Variants in DESI2 observed in about 807,000 individuals in gnomAD.
The protein encoded by DESI2 is desumoylating isopeptidase 2.
Under a neutral mutation model 24.1 loss-of-function variants are expected in DESI2, and 10 were observed. The observed-to-expected ratio is 0.41, with a 90% CI of 0.26 to 0.70. DESI2 has a LOEUF of 0.70. Among genes scored for constraint, DESI2 ranks in the 30% least tolerant of loss-of-function variants. The pLI is 0.29. For missense variants in DESI2, 122 were observed against 234.9 expected (o/e 0.52, Z 3.14); for synonymous variants, 71 against 87.7 (o/e 0.81, Z 1.06).
At chr1:244,665,519 C>A (rs544562969) in intron 1 of DESI2, among the ~76,000 whole-genome samples, 16 of 152,194 alleles carry the variant, frequency 1.1e-4, no homozygotes, top group Non-Finnish European at 2.1e-4. Flanking sequence ...TTTTCTGTGA[C>A]TATTTCTGTC....
chr1:244,669,923 T>C (rs2148790681), intron 1 of DESI2, among the ~76,000 whole-genome samples: 1 of 152,250 alleles, frequency 6.6e-6, no homozygotes, highest in South Asian at 2.1e-4. Flanking sequence ...TGAAGAAGCC[T>C]TTCACTGAGA....
chr1:244,666,437 AT>A (rs1676049982), intron 1 of DESI2, among the ~76,000 whole-genome samples: 1 of 152,210 alleles, frequency 6.6e-6, no homozygotes, highest in Non-Finnish European at 1.5e-5. Context: ...CAGTGAATGA[AT>A]ATGCTATATT....
Position 244,705,733 on chromosome 1 carries a change from G to C in DESI2, c.529G>C (p.Ala177Pro), listed in dbSNP as rs771309407. ...LEEAEDAAAS[A>P]SVASTAAGSR... ...GGAAGCAGAGGATGCTGCCGCATCC[G>C]CTTCCGTGGCAAGCACTGCAGCAGG... Residue 177 changes from alanine to proline, a missense_variant, in exon 5 of 5, where the codon GCT becomes CCT. Around this residue, in one of 6 missense-constraint regions of DESI2, gnomAD observed 56 missense variants for 67.9 expected, o/e 0.82. Transcript: ENST00000302550. 6.2e-7 allele frequency: 1 copy of C among 1,613,584 alleles called. No homozygotes were observed. Among genetic ancestry groups the C allele is most frequent in the South Asian group, 1.1e-5 (1 of 91,080 alleles).
intron 4 of DESI2, among the ~76,000 whole-genome samples, chr1:244,700,653 T>C (rs1375512009): frequency 6.6e-6 from 1 of 152,230 alleles, no homozygotes; most frequent in Non-Finnish European, 1.5e-5. Context: ...AGGACTTTTT[T>C]ACAGGTTCAT....
intron 1 of DESI2, among the ~76,000 whole-genome samples, chr1:244,675,479 C>T (rs562387916): frequency 3.0e-4 from 46 of 152,266 alleles, no homozygotes; most frequent in African/African-American, 1.0e-3. Context: ...AGAAGACCAG[C>T]TTCATTCATT....
At chr1:244,694,511 G>T in intron 4 of DESI2, 1 of 773,376 alleles carries the variant, frequency 1.3e-6, no homozygotes. Flanking sequence ...TGAATCTGCG[G>T]TCTACAATTT....
intron 1 of DESI2, chr1:244,653,831 A>T (rs1473509926): frequency 9.5e-6 from 4 of 422,328 alleles, no homozygotes; most frequent in Non-Finnish European, 1.9e-5. Context: ...TAAGTCCAGA[A>T]GGTCACAGCT....
chr1:244,702,695 A>G (rs1677517574), intron 4 of DESI2, among the ~76,000 whole-genome samples: 1 of 152,206 alleles, frequency 6.6e-6, no homozygotes, highest in Non-Finnish European at 1.5e-5. Flanking sequence ...GTGTTTCAGT[A>G]AAACTATCTA....
intron 4 of DESI2, among the ~76,000 whole-genome samples, chr1:244,700,726 C>T (rs1307975590): frequency 6.6e-6 from 1 of 152,134 alleles, no homozygotes; most frequent in Non-Finnish European, 1.5e-5. Flanking sequence ...AATGAGATAG[C>T]TACATTTTAT....
intron 1 of DESI2, among the ~76,000 whole-genome samples, chr1:244,671,498 A>G (rs1045655293): frequency 6.6e-5 from 10 of 152,220 alleles, no homozygotes. Context: ...CTGTACTCTT[A>G]TACTTGAACC....
At chr1:244,677,115 G>C (rs2806601) in intron 1 of DESI2, among the ~76,000 whole-genome samples, 31,484 of 151,704 alleles carry the variant, frequency 0.21, 3,462 homozygotes, top group East Asian at 0.4. Flanking sequence ...TCTGTATTTT[G>C]GAAGAGCTTC....
Position 244,691,940 on chromosome 1 carries a change from G to C in DESI2, c.271G>C (p.Glu91Gln). ...LEDDIEKIVE[E>Q]LGKEYKGNAY... ...AGATGATATAGAAAAAATTGTAGAA[G>C]AACTGGGAAAAGAATACAAAGGCAA... The change falls in exon 4 of 5, where the codon GAA (glutamate) becomes CAA (glutamine). Residue 91 changes from glutamate (E) to glutamine (Q), a missense_variant. Glu to Gln is a conservative substitution (Grantham distance 29). Around this residue, in one of 6 missense-constraint regions of DESI2, gnomAD observed 23 missense variants for 28.5 expected, o/e 0.81. Transcript: ENST00000302550. The C allele has an allele frequency of 6.2e-7, 1 of 1,603,348 alleles. No homozygotes were observed. Among genetic ancestry groups the C allele is most frequent in the South Asian group, 1.1e-5 (1 of 88,396 alleles).
chr1:244,671,379 T>C (rs80321971), intron 1 of DESI2, among the ~76,000 whole-genome samples: 2,002 of 152,306 alleles, frequency 0.013, 47 homozygotes, highest in African/African-American at 0.046. Context: ...TGCTAACCTT[T>C]TTCTGCAAGG....
At chr1:244,660,643 A>C (rs1401589972) in intron 1 of DESI2, among the ~76,000 whole-genome samples, 3 of 152,242 alleles carry the variant, frequency 2.0e-5, no homozygotes, top group African/African-American at 7.2e-5. Flanking sequence ...CAAAAATAAT[A>C]ATAAAAGGAC....
chr1:244,674,117 C>T (rs1470178402), intron 1 of DESI2, among the ~76,000 whole-genome samples: 1 of 151,362 alleles, frequency 6.6e-6, no homozygotes, highest in Non-Finnish European at 1.5e-5. Context: ...GCCTCAGCCT[C>T]CCAAGTAGCT....
intron 4 of DESI2, among the ~76,000 whole-genome samples, chr1:244,702,724 G>C (rs535751338): frequency 6.6e-6 from 1 of 152,308 alleles, no homozygotes; most frequent in Admixed American, 6.5e-5. Flanking sequence ...AGTGGCTATA[G>C]ATAGGACTCT....
intron 4 of DESI2, among the ~76,000 whole-genome samples, chr1:244,696,221 A>G (rs1030894082): frequency 3.9e-5 from 6 of 152,258 alleles, no homozygotes; most frequent in Non-Finnish European, 7.3e-5. Context: ...ATCCAAATAA[A>G]CAACGTTCAG....
intron 4 of DESI2, among the ~76,000 whole-genome samples, chr1:244,695,388 T>C (rs1028995400): frequency 1.1e-4 from 17 of 152,242 alleles, no homozygotes; most frequent in South Asian, 6.2e-4. Context: ...GCATGGTGGC[T>C]CACACCTGTA....
At chr1:244,659,039 T>C (rs1033350453) in intron 1 of DESI2, among the ~76,000 whole-genome samples, 17 of 152,138 alleles carry the variant, frequency 1.1e-4, no homozygotes, top group African/African-American at 3.9e-4. Context: ...CATCTTTTTT[T>C]TTTTTTTTAA....
Sources: allele counts gnomAD v4.1 joint callset (sites outside exome capture counted in the v4.1 genomes callset), GRCh38; gene constraint gnomAD v4.1.1; regional missense constraint gnomAD v4.1.1; transcripts MANE v1.5; gene names NCBI Gene and HGNC (gene_info 2026-07-23, HGNC 2026-07-21).